Variants in CCDC102B observed in about 807,000 individuals in gnomAD.
CCDC102B encodes coiled-coil domain containing 102B, also known as coiled-coil domain-containing protein 102B.
A neutral mutation model predicts 57.4 loss-of-function variants in CCDC102B; 75 were observed. The ratio of observed to expected loss-of-function variants is 1.31; its 90% CI spans 1.08 to 1.58. CCDC102B has a LOEUF of 1.58. Among genes scored for constraint, CCDC102B ranks in the 40% most tolerant of loss-of-function variants. The pLI is 0.00. For synonymous variants in CCDC102B, 206 were observed against 201.9 expected (o/e 1.02, Z -0.17); for missense variants, 636 against 582.6 (o/e 1.09, Z -0.94).
intron 6 of CCDC102B, among the ~76,000 whole-genome samples, chr18:68,985,031 T>C (rs1257425866): frequency 6.6e-6 from 1 of 152,156 alleles, no homozygotes; most frequent in Non-Finnish European, 1.5e-5. Flanking sequence ...GTTAGCTTTG[T>C]GGTTCTATAG....
chr18:68,924,658 C>A (rs926638522), intron 6 of CCDC102B, among the ~76,000 whole-genome samples: 23 of 152,052 alleles, frequency 1.5e-4, no homozygotes, highest in Non-Finnish European at 2.9e-5. Context: ...AGAAGAATTT[C>A]TATGTGAGGG....
In CCDC102B at chr18:68,887,206, C is replaced by T. The variant is rs190266021; in HGVS notation, c.1054-10013C>T. On this transcript the variant is annotated intron_variant, in intron 5 of 7. Transcript: ENST00000360242. The stretch of plus-strand genomic sequence containing the variant: ...GAGGGAAGGAAGTTCTTCCTTCTCC[C>T]GTCGATTTTACTTTGTGGAGGTGAG... Among the ~76,000 whole-genome samples, 45 of 152,090 alleles carry T rather than the reference C, an allele frequency of 3.0e-4. No individual in the cohort carries two copies. In the East Asian group the frequency reaches 8.7e-3, roughly 29 times the overall value.
chr18:68,827,103 A>C (rs556334793), intron 1 of CCDC102B, among the ~76,000 whole-genome samples: 1 of 152,314 alleles, frequency 6.6e-6, no homozygotes, highest in African/African-American at 2.4e-5. Flanking sequence ...ATGAATGGAA[A>C]GTAAAGACAC....
intron 1 of CCDC102B, among the ~76,000 whole-genome samples, chr18:68,799,197 T>C (rs979723013): frequency 6.6e-6 from 1 of 152,152 alleles, no homozygotes; most frequent in Non-Finnish European, 1.5e-5. Context: ...CATATTTTAA[T>C]GAAAGCAATA....
intron 7 of CCDC102B, among the ~76,000 whole-genome samples, chr18:69,046,833 C>T (rs986541022): frequency 1.4e-4 from 21 of 152,090 alleles, no homozygotes; most frequent in African/African-American, 4.6e-4. Flanking sequence ...GTTATCCCAG[C>T]ACCATTTATT....
At chr18:68,728,061 A>T (rs1278814673) in intron 2 of CCDC102B, among the ~76,000 whole-genome samples, 1 of 152,204 alleles carries the variant, frequency 6.6e-6, no homozygotes, top group African/African-American at 2.4e-5. Context: ...CAACAAGTTG[A>T]TGCTTTAGTT....
Position 68,966,536 on chromosome 18 carries a change from G to A in CCDC102B, c.1264-44398G>A, listed in dbSNP as rs371547035. 1.4e-4 allele frequency among the ~76,000 whole-genome samples: 21 copies of A among 152,192 alleles called. No homozygotes were observed. The East Asian group carries it at 2.1e-3, about 15-fold the overall frequency. ...CCTGGAGTGAGATTTTGTATTCTAG[G>A]TGCTGGTTAATATATCAGAGAGTTT... On this transcript the variant is annotated intron_variant, in intron 6 of 7. Transcript: ENST00000360242.
chr18:69,038,734 C>G (rs556298464), intron 7 of CCDC102B, among the ~76,000 whole-genome samples: 1 of 151,908 alleles, frequency 6.6e-6, no homozygotes, highest in Admixed American at 6.6e-5. Context: ...TTTACATATT[C>G]TATATATTTA....
intron 5 of CCDC102B, among the ~76,000 whole-genome samples, chr18:68,886,516 A>AAAAG (rs2039890879): frequency 6.6e-6 from 1 of 152,148 alleles, no homozygotes; most frequent in Admixed American, 6.5e-5. Context: ...AACTTCCTTA[A>AAAAG]GTAGAAACCT....
intron 3 of CCDC102B, among the ~76,000 whole-genome samples, chr18:68,839,522 A>G (rs1000515764): frequency 6.6e-6 from 1 of 152,208 alleles, no homozygotes; most frequent in Non-Finnish European, 1.5e-5. Flanking sequence ...AATTATCATT[A>G]AAACATATCA....
chr18:68,719,039 A>G (rs147355929), intron 2 of CCDC102B, among the ~76,000 whole-genome samples: 2 of 152,342 alleles, frequency 1.3e-5, no homozygotes, highest in East Asian at 3.9e-4. Context: ...AGAGATACAG[A>G]ACAACTTTAT....
At chr18:68,766,903 A>G (rs1599431066) in intron 2 of CCDC102B, among the ~76,000 whole-genome samples, 1 of 152,292 alleles carries the variant, frequency 6.6e-6, no homozygotes, top group East Asian at 1.9e-4. Flanking sequence ...TCTGGTACAT[A>G]TTACTTCATT....
At chr18:69,057,669 C>T (rs2052838941), downstream of CCDC102B, among the ~76,000 whole-genome samples, 1 of 151,956 alleles carries the variant, frequency 6.6e-6, no homozygotes, top group African/African-American at 2.4e-5. Context: ...TGGAAGTAGC[C>T]ACGTGCATGT....
chr18:68,985,566 G>A (rs113545223), intron 6 of CCDC102B, among the ~76,000 whole-genome samples: 3 of 152,168 alleles, frequency 2.0e-5, no homozygotes, highest in African/African-American at 7.2e-5. Context: ...AAACTACAGT[G>A]TGAACCAGGG....
intron 4 of CCDC102B, among the ~76,000 whole-genome samples, chr18:68,872,396 C>CT (rs1214846631): frequency 6.6e-6 from 1 of 152,086 alleles, no homozygotes; most frequent in Admixed American, 6.6e-5. Flanking sequence ...GTATTAAACT[C>CT]TACTTCCCAG....
chr18:68,961,395 T>C (rs565469376), intron 6 of CCDC102B, among the ~76,000 whole-genome samples: 2 of 152,086 alleles, frequency 1.3e-5, no homozygotes, highest in Non-Finnish European at 2.9e-5. Flanking sequence ...AAACTAGATA[T>C]AGGATTATGA....
At chr18:68,743,138 G>GGT (rs2033464207) in intron 2 of CCDC102B, among the ~76,000 whole-genome samples, 3 of 151,952 alleles carry the variant, frequency 2.0e-5, no homozygotes, top group Admixed American at 2.0e-4. Context: ...GGCTGAGGTG[G>GGT]GTGGATCAAC....
intron 5 of CCDC102B, among the ~76,000 whole-genome samples, chr18:68,886,717 C>T (rs1009623126): frequency 6.6e-6 from 1 of 152,000 alleles, no homozygotes; most frequent in African/African-American, 2.4e-5. Flanking sequence ...AGGAATCCTT[C>T]ACCATATATT....
chr18:68,895,672 G>T (rs1436554739), intron 5 of CCDC102B, among the ~76,000 whole-genome samples: 5 of 151,618 alleles, frequency 3.3e-5, no homozygotes, highest in Non-Finnish European at 7.4e-5. Context: ...ACCCTCTTCT[G>T]TCCCTACAAT....
Sources: allele counts gnomAD v4.1 joint callset (sites outside exome capture counted in the v4.1 genomes callset), GRCh38; gene constraint gnomAD v4.1.1; transcripts MANE v1.5; gene names NCBI Gene and HGNC (gene_info 2026-07-23, HGNC 2026-07-21).